Variants in SI observed in about 807,000 individuals in gnomAD.
SI encodes the protein sucrase-isomaltase, intestinal.
SI carries 235 observed loss-of-function variants against 253.3 expected under a neutral mutation model. That is an observed-to-expected ratio of 0.93 (90% confidence interval 0.83 to 1.03). The LOEUF (loss-of-function observed/expected upper bound fraction) is 1.03, where lower values mean the gene tolerates loss of function less well. Ranked by LOEUF, SI falls within the 50% of genes least tolerant of loss-of-function variation. The pLI, the probability that SI is intolerant of heterozygous loss-of-function variation, is 0.00. For synonymous variants in SI, 819 were observed against 712.0 expected (o/e 1.15, Z -2.39); for missense variants, 2,442 against 2,211.1 (o/e 1.10, Z -2.09).
intron 12 of SI, among the ~76,000 whole-genome samples, chr3:165,058,135 C>T (rs1423430674): frequency 2.0e-5 from 3 of 151,720 alleles, no homozygotes; most frequent in Non-Finnish European, 4.4e-5. Context: ...ACAAGAATAA[C>T]TTTGGAAGCT....
intron 3 of SI, among the ~76,000 whole-genome samples, chr3:165,073,530 G>A (rs897336972): frequency 2.0e-5 from 3 of 151,942 alleles, no homozygotes; most frequent in Admixed American, 6.6e-5. Context: ...AGACAGAATA[G>A]GGACAAAATA....
Position 164,983,041 on chromosome 3 carries a change from T to C in SI, c.5208A>G (p.Glu1736=). 2 of 1,546,276 alleles carry C rather than the reference T, an allele frequency of 1.3e-6. No homozygotes were observed. Among genetic ancestry groups the C allele is most frequent in the East Asian group, 4.6e-5 (2 of 43,188 alleles). Residue 1736 remains glutamate, a synonymous_variant, in exon 46 of 48, where the codon GAA becomes GAG. Coordinates refer to ENST00000264382, the MANE Select transcript of SI (RefSeq NM_001041.4). ...ATTGTACAGATAAATATAGGTCTCT[T>C]TCATAGGTGTCTGTAGAGAGAGAAA... The part of the protein sequence containing the change: ...WDDGESIDTY[E]RDLYLSVQFN...
rs766154612 is a variant in SI, at chr3:165,039,979, C to T, written c.2160-8G>A. On this transcript the variant is annotated splice_region_variant and splice_polypyrimidine_tract_variant and intron_variant, in intron 18 of 47. Transcript: ENST00000264382. ...TTCGTATCCTCATAAAACCTAAGAACAATGACAATGTTTAAAGTATAATAA... is the reference window on the plus strand; with the variant it reads ...TTCGTATCCTCATAAAACCTAAGAATAATGACAATGTTTAAAGTATAATAA... The T allele has an allele frequency of 6.3e-7, 1 of 1,599,038 alleles. No homozygotes were observed. Among genetic ancestry groups the T allele is most frequent in the Non-Finnish European group, 8.6e-7 (1 of 1,166,508 alleles).
At chr3:165,017,421 A>G (rs1719090171) in intron 31 of SI, 127 bp downstream of exon 31, 1 of 797,050 alleles carries the variant, frequency 1.3e-6, no homozygotes, top group East Asian at 2.8e-5. Flanking sequence ...TATCCAATAC[A>G]TAAGGTGCCA....
chr3:165,042,594 T>C (rs1712896619), intron 17 of SI, among the ~76,000 whole-genome samples: 1 of 152,152 alleles, frequency 6.6e-6, no homozygotes, highest in Non-Finnish European at 1.5e-5. Flanking sequence ...TTCTATTTAT[T>C]ATTGAAAGAC....
intron 17 of SI, among the ~76,000 whole-genome samples, chr3:165,041,550 A>T (rs1482368856): frequency 6.6e-6 from 1 of 152,046 alleles, no homozygotes; most frequent in Admixed American, 6.6e-5. Flanking sequence ...GAGGCTTGAA[A>T]TGGGCTTGCC....
At chr3:165,060,872 T>A (rs186945576) in intron 9 of SI, among the ~76,000 whole-genome samples, 374 of 146,992 alleles carry the variant, frequency 2.5e-3, no homozygotes, top group African/African-American at 8.6e-3. Context: ...AAAAAAAATA[T>A]ATATATATAT....
At chr3:164,989,093 A>C (rs1173917383) in intron 44 of SI, among the ~76,000 whole-genome samples, 1 of 148,832 alleles carries the variant, frequency 6.7e-6, no homozygotes, top group Non-Finnish European at 1.5e-5. Flanking sequence ...AATAATAATA[A>C]ATAAATAAAT....
Position 165,021,358 on chromosome 3 carries a change from T to C in SI, c.3125A>G (p.Tyr1042Cys), listed in dbSNP as rs770444068. ...FKIYDPQKKR[Y>C]EVPVPLNIPT... ...AATGTTTAACGGTACTGGTACTTCA[T>C]ATCTCTTCTTTTGGGGATCATAAAT... The change falls in exon 27 of 48, where the codon TAT becomes TGT. Residue 1042 changes from tyrosine (Y) to cysteine (C), a missense_variant. Transcript: ENST00000264382. 2 of 1,610,604 alleles carry C rather than the reference T, an allele frequency of 1.2e-6. No individual in the cohort carries two copies. The highest frequency in any genetic ancestry group is 1.1e-5 in the South Asian group (1 of 91,024).
In SI at chr3:165,006,844, C is replaced by T; in HGVS notation, c.4378G>A (p.Gly1460Arg). ...VLHYDVHNLY[G>R]WSQMKPTHDA... ...TGAGTAGGTTTCATCTGTGACCATCCATAGAGATTGTGAACATCGTAATGC... is the reference window on the plus strand; with the variant it reads ...TGAGTAGGTTTCATCTGTGACCATCTATAGAGATTGTGAACATCGTAATGC... The change falls in exon 37 of 48, where the codon GGA becomes AGA. Residue 1460 changes from glycine (G) to arginine (R), a missense_variant. By Grantham distance (125) the Gly-to-Arg change is moderately radical. Coordinates refer to ENST00000264382, the MANE Select transcript of SI (RefSeq NM_001041.4). The T allele has an allele frequency of 6.2e-7, 1 of 1,612,796 alleles. No individual in the cohort carries two copies. Among genetic ancestry groups the T allele is most frequent in the Non-Finnish European group, 8.5e-7 (1 of 1,179,084 alleles).
At chr3:165,028,016 A>G (rs570259522) in intron 25 of SI, among the ~76,000 whole-genome samples, 4 of 151,552 alleles carry the variant, frequency 2.6e-5, no homozygotes, top group African/African-American at 9.6e-5. Context: ...TGCTGATGAT[A>G]TGATTGTTTA....
intron 47 of SI, among the ~76,000 whole-genome samples, chr3:164,981,489 T>C (rs975114759): frequency 6.6e-6 from 1 of 152,116 alleles, no homozygotes; most frequent in African/African-American, 2.4e-5. Flanking sequence ...AAGTGACTGA[T>C]TAAAGGCTCT....
At chr3:165,051,605 T>A (rs1713434313) in intron 13 of SI, among the ~76,000 whole-genome samples, 1 of 152,082 alleles carries the variant, frequency 6.6e-6, no homozygotes, top group South Asian at 2.1e-4. Flanking sequence ...CTGAAATGTA[T>A]AATTTGGGAA....
At position 164,998,667 on chromosome 3, in the gene SI, C is replaced by T. The variant is rs1209574017; in HGVS notation, c.4413G>A (p.Leu1471=). 14 of 1,610,256 alleles carry T rather than the reference C, an allele frequency of 8.7e-6. No individual in the cohort carries two copies. The highest frequency in any genetic ancestry group is 1.1e-5 in the Non-Finnish European group (13 of 1,177,268). ...TCCCTCTTTTTCCAGTTGTCTTCTGCAATGCACTAATATAGTAGAGAAGTA... is the reference window on the plus strand; with the variant it reads ...TCCCTCTTTTTCCAGTTGTCTTCTGTAATGCACTAATATAGTAGAGAAGTA... ...WSQMKPTHDA[L]QKTTGKRGIV... is the part of the protein sequence containing the mutation. Residue 1471 remains leucine, a synonymous_variant, in exon 38 of 48, where the codon TTG becomes TTA. Coordinates refer to ENST00000264382, the MANE Select transcript of SI (RefSeq NM_001041.4).
At chr3:165,003,374 G>A (rs1168036117) in intron 37 of SI, among the ~76,000 whole-genome samples, 1 of 151,820 alleles carries the variant, frequency 6.6e-6, no homozygotes, top group Non-Finnish European at 1.5e-5. Context: ...TTTAGCTGTG[G>A]ATAATTATGC....
the SI span, among the ~76,000 whole-genome samples, chr3:165,086,650 T>G: frequency 6.6e-6 from 1 of 152,188 alleles, no homozygotes; most frequent in Admixed American, 6.6e-5. Flanking sequence ...AATACAACTT[T>G]CCTTGAACCC....
intron 12 of SI, among the ~76,000 whole-genome samples, chr3:165,057,801 G>A (rs543265058): frequency 1.3e-5 from 2 of 151,984 alleles, no homozygotes; most frequent in Admixed American, 6.6e-5. Flanking sequence ...AAAAGCTGAG[G>A]GATTTCATCA....
At position 165,017,793 on chromosome 3, in the gene SI, T is replaced by G; in HGVS notation, c.3601A>C (p.Thr1201Pro). 1 of 1,612,540 alleles carries G rather than the reference T, an allele frequency of 6.2e-7. No homozygotes were observed. The highest frequency in any genetic ancestry group is 1.1e-5 in the South Asian group (1 of 91,040). The change falls in exon 30 of 48, where the codon ACT becomes CCT. Residue 1201 changes from threonine to proline, a missense_variant. By Grantham distance (38) the Thr-to-Pro change is conservative. Coordinates refer to ENST00000264382, the MANE Select transcript of SI (RefSeq NM_001041.4). ...TATTGCTTTGTTGCAACTTCTGGAG[T>G]TGGGCCCAAAAACATATAAAAATCC... ...ILDFYMFLGP[T>P]PEVATKQYHE... is the part of the protein sequence containing the mutation.
chr3:165,080,266 A>G (rs1376096554), upstream of SI, among the ~76,000 whole-genome samples: 2 of 152,026 alleles, frequency 1.3e-5, no homozygotes, highest in African/African-American at 4.8e-5. Context: ...CTTCCTTTAG[A>G]AGTGAGAGCA....
Sources: gnomAD v4.1 joint callset for allele counts (sites outside exome capture counted in the v4.1 genomes callset) on GRCh38, gnomAD v4.1.1 for gene constraint, MANE v1.5 for transcripts, NCBI Gene and HGNC (gene_info 2026-07-23, HGNC 2026-07-21) for gene names.